FTCDNL1: variants seen among roughly 807,000 people sequenced by gnomAD.
FTCDNL1 encodes formiminotransferase cyclodeaminase N-terminal like.
Under a neutral mutation model 5.9 loss-of-function variants are expected in FTCDNL1, and 11 were observed. The ratio of observed to expected loss-of-function variants is 1.87; its 90% confidence interval spans 1.18 to 3.10. FTCDNL1 has a LOEUF of 3.10. Among genes scored for constraint, FTCDNL1 ranks in the 30% most tolerant of loss-of-function variants. The probability of loss-of-function intolerance (pLI) is 0.00; values close to 1 mark genes in which losing one functional copy is unlikely to be tolerated. For synonymous variants in FTCDNL1, 58 were observed against 24.8 expected (o/e 2.34, Z -3.99); for missense variants, 115 against 65.5 (o/e 1.76, Z -2.61).
the FTCDNL1 span, among the ~76,000 whole-genome samples, chr2:199,682,496 G>T: frequency 6.6e-6 from 1 of 152,122 alleles, no homozygotes; most frequent in African/African-American, 2.4e-5. Flanking sequence ...GCCTGCATTT[G>T]AAAGGAAATC....
At chr2:199,693,199 A>T in the FTCDNL1 span, among the ~76,000 whole-genome samples, 2 of 152,222 alleles carry the variant, frequency 1.3e-5, no homozygotes, top group Admixed American at 1.3e-4. Context: ...AGTAGACTGA[A>T]ATGACAAAGT....
the FTCDNL1 span, among the ~76,000 whole-genome samples, chr2:199,726,067 G>A: frequency 4.6e-5 from 7 of 151,868 alleles, no homozygotes; most frequent in Admixed American, 2.6e-4. Flanking sequence ...CATAATTCTC[G>A]GAGGTTTTGT....
the FTCDNL1 span, among the ~76,000 whole-genome samples, chr2:199,695,800 G>C: frequency 7.9e-5 from 12 of 152,208 alleles, no homozygotes; most frequent in African/African-American, 2.9e-4. Flanking sequence ...TTTGGTGCAG[G>C]AACAGCTGTA....
chr2:199,759,126 T>A (rs947970127), downstream of FTCDNL1, among the ~76,000 whole-genome samples: 1 of 151,440 alleles, frequency 6.6e-6, no homozygotes, highest in Non-Finnish European at 1.5e-5. Context: ...TATATGTGTA[T>A]ATATATTTGT....
intron 3 of FTCDNL1, among the ~76,000 whole-genome samples, chr2:199,780,815 C>A (rs1699327828): frequency 6.6e-6 from 1 of 152,202 alleles, no homozygotes; most frequent in African/African-American, 2.4e-5. Flanking sequence ...CCATTAAGTA[C>A]CAGCTCCTCT....
At chr2:199,757,812 T>C (rs76805211), downstream of FTCDNL1, among the ~76,000 whole-genome samples, 808 of 152,342 alleles carry the variant, frequency 5.3e-3, 35 homozygotes, top group East Asian at 0.12. Flanking sequence ...TTTTCTTTAA[T>C]GTTTATAATA....
downstream of FTCDNL1, among the ~76,000 whole-genome samples, chr2:199,808,886 A>G (rs1324423606): frequency 6.6e-6 from 1 of 152,228 alleles, no homozygotes; most frequent in Admixed American, 6.5e-5. Context: ...AATAAGAGCA[A>G]GGACTGAACT....
At chr2:199,742,400 A>G in the FTCDNL1 span, among the ~76,000 whole-genome samples, 1 of 152,136 alleles carries the variant, frequency 6.6e-6, no homozygotes, top group African/African-American at 2.4e-5. Flanking sequence ...GTTTCTTAGG[A>G]TTTATCATAA....
chr2:199,752,007 T>A, the FTCDNL1 span, among the ~76,000 whole-genome samples: 1 of 152,012 alleles, frequency 6.6e-6, no homozygotes, highest in Non-Finnish European at 1.5e-5. Context: ...GATCACTAAA[T>A]ACGGAGGAAG....
At chr2:199,808,372 A>G (rs1269793116), downstream of FTCDNL1, among the ~76,000 whole-genome samples, 1 of 152,176 alleles carries the variant, frequency 6.6e-6, no homozygotes, top group Non-Finnish European at 1.5e-5. Flanking sequence ...ATAAATACAT[A>G]CTTTTTGTTC....
intron 4 of FTCDNL1, chr2:199,819,360 G>A (rs1701542806): frequency 1.8e-6 from 1 of 568,220 alleles, no homozygotes; most frequent in African/African-American, 1.9e-5. Context: ...ACTTCTGGGG[G>A]CCCTCATCAA....
intron 3 of FTCDNL1, among the ~76,000 whole-genome samples, chr2:199,777,202 A>G (rs1574478859): frequency 6.6e-6 from 1 of 152,120 alleles, no homozygotes; most frequent in East Asian, 1.9e-4. Context: ...CTGAGGCAGG[A>G]GAATCTCTTG....
the FTCDNL1 span, among the ~76,000 whole-genome samples, chr2:199,698,144 A>G: frequency 1.3e-5 from 2 of 152,210 alleles, no homozygotes; most frequent in African/African-American, 4.8e-5. Flanking sequence ...ACAACTTCTT[A>G]GAGACCTACA....
chr2:199,768,146 A>G (rs1698624812), intron 3 of FTCDNL1, among the ~76,000 whole-genome samples: 2 of 152,228 alleles, frequency 1.3e-5, no homozygotes, highest in Admixed American at 1.3e-4. Flanking sequence ...ATGAAAAGAG[A>G]TGTAAGACAT....
rs915402329 is a variant in FTCDNL1 at position 199,810,992 on chromosome 2, A to G, written c.*1713T>C. On this transcript the variant is annotated 3_prime_UTR_variant, in exon 5 of 5. Coordinates refer to ENST00000420128, the MANE Select transcript of FTCDNL1 (RefSeq NM_001363886.2). The stretch of plus-strand genomic sequence containing the variant: ...CTACTCTCATACTAATAGATGTTTT[A>G]CAGAAAATCAGCACACGGAAACCAC... Among the ~76,000 whole-genome samples, 3 of 152,160 alleles carry G rather than the reference A, an allele frequency of 2.0e-5. No individual in the cohort carries two copies. The highest frequency in any genetic ancestry group is 7.2e-5 in the African/African-American group (3 of 41,432).
chr2:199,769,785 C>T (rs1265616918), intron 3 of FTCDNL1, among the ~76,000 whole-genome samples: 1 of 152,172 alleles, frequency 6.6e-6, no homozygotes, highest in African/African-American at 2.4e-5. Context: ...GGTACAGCAC[C>T]ACCTGTGTTG....
At chr2:199,737,653 G>T in the FTCDNL1 span, among the ~76,000 whole-genome samples, 2 of 152,122 alleles carry the variant, frequency 1.3e-5, no homozygotes, top group Non-Finnish European at 2.9e-5. Context: ...CACGCCTGGG[G>T]CCACTGTGTC....
At chr2:199,715,262 T>C in the FTCDNL1 span, among the ~76,000 whole-genome samples, 17 of 152,164 alleles carry the variant, frequency 1.1e-4, no homozygotes, top group African/African-American at 3.4e-4. Context: ...TCTAATTCCA[T>C]ATGTGATATG....
intron 4 of FTCDNL1, among the ~76,000 whole-genome samples, chr2:199,813,725 A>G (rs1184324560): frequency 6.6e-6 from 1 of 151,940 alleles, no homozygotes; most frequent in Non-Finnish European, 1.5e-5. Flanking sequence ...AGCCTGGCCA[A>G]TATTGTGAAA....
Sources: gnomAD v4.1 joint callset for allele counts (sites outside exome capture counted in the v4.1 genomes callset) on GRCh38, gnomAD v4.1.1 for gene constraint, MANE v1.5 for transcripts, NCBI Gene and HGNC (gene_info 2026-07-23, HGNC 2026-07-21) for gene names.